The following ADARB1 variants were observed in gnomAD, a reference collection of about 807,000 sequenced individuals.
ADARB1 encodes the protein double-stranded RNA-specific editase 1.
ADARB1 carries 10 observed loss-of-function variants against 52.4 expected under a neutral mutation model. That is an observed-to-expected ratio of 0.19 (90% CI 0.12 to 0.32). ADARB1 has a LOEUF of 0.32. Ranked by LOEUF, ADARB1 falls within the 10% of genes least tolerant of loss-of-function variation. ADARB1 has a pLI of 1.00. For synonymous variants in ADARB1, 349 were observed against 371.1 expected (o/e 0.94, Z 0.68); for missense variants, 643 against 922.3 (o/e 0.70, Z 3.92).
chr21:45,157,270 A>G lies in ADARB1; in HGVS notation c.-47-14340A>G, dbSNP rs2090709590. Among the ~76,000 whole-genome samples, 1 of 152,254 alleles carries G rather than the reference A, an allele frequency of 6.6e-6. No homozygotes were observed. Among genetic ancestry groups the G allele is most frequent in the African/African-American group, 2.4e-5 (1 of 41,470 alleles). ...AAATTGCACTTGAAATACCATGGAA[A>G]TTGGATCCAAAGCAGATTGAACAGT... On this transcript the variant is annotated intron_variant, in intron 2 of 10. Coordinates refer to ENST00000348831, the MANE Select transcript of ADARB1 (RefSeq NM_001112.4). This position sits in a 1 kb window ranked among gnomAD's most constrained non-coding sequence, Gnocchi z 4.1.
rs1188615866 is a variant in ADARB1 at position 45,176,441 on chromosome 21, T to A, written c.740T>A (p.Leu247His). 6.2e-7 allele frequency: 1 copy of A among 1,614,154 alleles called. No individual in the cohort carries two copies. Among genetic ancestry groups the A allele is most frequent in the East Asian group, 2.2e-5 (1 of 44,874 alleles). ...ATCTTGAACGAACTGCGCCCAGGAC[T>A]CAAGTATGACTTCCTCTCCGAGAGC... Reference protein sequence around the residue: ...VMILNELRPGLKYDFLSESGE... With the variant: ...VMILNELRPGHKYDFLSESGE... The change falls in exon 4 of 11, where the codon CTC (leucine) becomes CAC (histidine). Residue 247 changes from leucine (L) to histidine (H), a missense_variant. Physicochemically the swap from Leu to His is moderately conservative, Grantham distance 99. Transcript: ENST00000348831. The surrounding 1 kb of genome is among the most constrained non-coding windows in gnomAD (Gnocchi z 5.8).
chr21:45,222,401 C>G lies in ADARB1; in HGVS notation c.*204C>G, dbSNP rs1011706724. 7.6e-7 allele frequency: 1 copy of G among 1,308,910 alleles called. No homozygotes were observed. The highest frequency in any genetic ancestry group is 1.5e-5 in the African/African-American group (1 of 65,380). 81.1% of individuals were successfully genotyped at this position (1,308,910 alleles called of 1,614,324 possible). A position where few individuals can be genotyped will look rare whatever the true frequency, so the allele number is the denominator to read the frequency against. ...AGTGTGGGGAGGGGATGGGGTGCGT[C>G]AGGGCCCAGCATCGCCGCCTGGCAT... On this transcript the variant is annotated 3_prime_UTR_variant, in exon 11 of 11. Coordinates refer to ENST00000348831, the MANE Select transcript of ADARB1 (RefSeq NM_001112.4).
chr21:45,087,756 C>T (rs1035009636), intron 1 of ADARB1, among the ~76,000 whole-genome samples: 8 of 152,068 alleles, frequency 5.3e-5, no homozygotes, highest in African/African-American at 9.7e-5. Flanking sequence ...GAAATATAAG[C>T]GGAAAACACA....
chr21:45,103,682 A>C (rs1479407902), intron 1 of ADARB1, among the ~76,000 whole-genome samples: 1 of 152,122 alleles, frequency 6.6e-6, no homozygotes, highest in Admixed American at 6.6e-5. Flanking sequence ...TCCATGGCCC[A>C]GGGGTTGGGA....
At chr21:45,111,372 C>A (rs2087526022) in intron 1 of ADARB1, among the ~76,000 whole-genome samples, 2 of 152,164 alleles carry the variant, frequency 1.3e-5, no homozygotes, top group South Asian at 4.1e-4. Context: ...TTCCCGTATG[C>A]CCCCTGCCCC....
At chr21:45,099,040 C>T (rs2086888395) in intron 1 of ADARB1, among the ~76,000 whole-genome samples, 1 of 152,190 alleles carries the variant, frequency 6.6e-6, no homozygotes, top group Admixed American at 6.5e-5. Context: ...GCAAATGCTT[C>T]AGTAGTAGTG....
intron 1 of ADARB1, among the ~76,000 whole-genome samples, chr21:45,114,266 G>A (rs143644595): frequency 1.1e-4 from 16 of 152,216 alleles, no homozygotes; most frequent in African/African-American, 2.9e-4. Context: ...CTTATCAGCT[G>A]TGTCAAGTCA....
chr21:45,091,974 G>C (rs766969986), intron 1 of ADARB1, among the ~76,000 whole-genome samples: 16 of 152,226 alleles, frequency 1.1e-4, no homozygotes, highest in Non-Finnish European at 2.2e-4. Context: ...TTTTTAGTAA[G>C]AGAAAATAAT....
intron 2 of ADARB1, among the ~76,000 whole-genome samples, chr21:45,130,075 T>C (rs989475919): frequency 8.5e-5 from 13 of 152,258 alleles, no homozygotes; most frequent in African/African-American, 2.9e-4. Context: ...GCTTAATTAG[T>C]GATAGGAAAT....
Position 45,220,591 on chromosome 21 carries a change from A to G in ADARB1, c.1748-245A>G, listed in dbSNP as rs968767468. On this transcript the variant is annotated intron_variant, in intron 9 of 10. Transcript: ENST00000348831. The surrounding 1 kb of genome is among the most constrained non-coding windows in gnomAD (Gnocchi z 6.3). ...ATCTTCTGCCCACCTGCCCTGTCAG[A>G]CAAGTGCATACCCGTGGGTCAGTTC... Among the ~76,000 whole-genome samples, 2 of 152,248 alleles carry G rather than the reference A, an allele frequency of 1.3e-5. No individual in the cohort carries two copies. Among genetic ancestry groups the G allele is most frequent in the Admixed American group, 1.3e-4 (2 of 15,288 alleles).
At chr21:45,213,560 C>T (rs998260885) in intron 9 of ADARB1, among the ~76,000 whole-genome samples, 1 of 152,198 alleles carries the variant, frequency 6.6e-6, no homozygotes, top group East Asian at 1.9e-4. Context: ...TCCCTCTCCC[C>T]GATCCCCATT....
intron 2 of ADARB1, among the ~76,000 whole-genome samples, chr21:45,131,002 ATCT>A (rs1435734317): frequency 1.3e-5 from 2 of 152,140 alleles, no homozygotes; most frequent in African/African-American, 2.4e-5. Flanking sequence ...CCCACACCAC[ATCT>A]TCTTTTTGTA....
At chr21:45,196,996 A>C (rs1355953981) in intron 8 of ADARB1, among the ~76,000 whole-genome samples, 1 of 152,202 alleles carries the variant, frequency 6.6e-6, no homozygotes, top group African/African-American at 2.4e-5. Context: ...GTTCGAAACC[A>C]GCCTGGCCAA....
At chr21:45,205,252 C>A (rs553088785) in intron 9 of ADARB1, among the ~76,000 whole-genome samples, 1 of 151,008 alleles carries the variant, frequency 6.6e-6, no homozygotes, top group African/African-American at 2.5e-5. Flanking sequence ...CAGAGTGAGA[C>A]CCTGTCTTTA....
At chr21:45,098,466 A>C (rs1490890204) in intron 1 of ADARB1, among the ~76,000 whole-genome samples, 1 of 152,050 alleles carries the variant, frequency 6.6e-6, no homozygotes, top group Admixed American at 6.5e-5. Flanking sequence ...CCAGCTCATT[A>C]TATGACCGTT....
intron 8 of ADARB1, among the ~76,000 whole-genome samples, chr21:45,186,124 G>A (rs1489606767): frequency 6.6e-6 from 1 of 152,212 alleles, no homozygotes; most frequent in Non-Finnish European, 1.5e-5. Flanking sequence ...GGAGGGGGGT[G>A]TACTCTTGAA....
Position 45,185,029 on chromosome 21 carries a change from G to T in ADARB1, c.1503G>T (p.Thr501=), listed in dbSNP as rs151225586. Residue 501 remains threonine (T), a synonymous_variant, in exon 8 of 11, where the codon ACG becomes ACT. Coordinates refer to ENST00000348831, the MANE Select transcript of ADARB1 (RefSeq NM_001112.4). ...TGCGCTCCAATGCGAGCATCCAAAC[G>T]TGGGACGGGGTGCTGCAAGGGGAGC... ...IPVRSNASIQ[T]WDGVLQGERL... is the part of the protein sequence containing the mutation. 39 of 1,614,090 alleles carry T rather than the reference G, an allele frequency of 2.4e-5. No individual in the cohort carries two copies. The Admixed American group carries it at 6.3e-4, about 26-fold the overall frequency.
intron 8 of ADARB1, among the ~76,000 whole-genome samples, chr21:45,198,366 C>G (rs1298538375): frequency 1.3e-5 from 2 of 152,122 alleles, no homozygotes; most frequent in African/African-American, 4.8e-5. Flanking sequence ...AGTGGAGAGT[C>G]CTAGACACTT....
intron 1 of ADARB1, among the ~76,000 whole-genome samples, chr21:45,076,586 C>G (rs113807932): frequency 6.6e-6 from 1 of 152,188 alleles, no homozygotes; most frequent in Admixed American, 6.5e-5. Context: ...ACATGTGTCT[C>G]TGGTGTGACG....
Sources: gnomAD v4.1 joint callset for allele counts (sites outside exome capture counted in the v4.1 genomes callset) on GRCh38, gnomAD v4.1.1 for gene constraint, Gnocchi (gnomAD v3.1) non-coding constraint, MANE v1.5 for transcripts, NCBI Gene and HGNC (gene_info 2026-07-23, HGNC 2026-07-21) for gene names.